The following CKAP5 variants were observed in gnomAD, a reference collection of about 807,000 sequenced individuals.
CKAP5 encodes cytoskeleton-associated protein 5.
In CKAP5, 27 loss-of-function variants were observed where a neutral mutation model predicts 232.8. That is an observed-to-expected ratio of 0.12 (90% CI 0.09 to 0.16). CKAP5 has a LOEUF of 0.16. Among genes scored for constraint, CKAP5 ranks in the 10% least tolerant of loss-of-function variants. The pLI is 1.00. For missense variants in CKAP5, 1,838 were observed against 2,424.7 expected (o/e 0.76, Z 5.08); for synonymous variants, 785 against 841.1 (o/e 0.93, Z 1.16).
chr11:46,749,382 G>T (rs959335537), intron 42 of CKAP5, among the ~76,000 whole-genome samples: 8 of 150,302 alleles, frequency 5.3e-5, no homozygotes, highest in African/African-American at 2.0e-4. Flanking sequence ...TTGAACCTGG[G>T]AGGCGGAGGT....
At position 46,784,690 on chromosome 11, in the gene CKAP5, A is replaced by G; in HGVS notation, c.1969-17T>C. The G allele has an allele frequency of 1.9e-6, 3 of 1,602,416 alleles. No homozygotes were observed. Among genetic ancestry groups the G allele is most frequent in the Non-Finnish European group, 2.6e-6 (3 of 1,171,158 alleles). On this transcript the variant is annotated splice_polypyrimidine_tract_variant and intron_variant, in intron 16 of 43. Coordinates refer to ENST00000529230, the MANE Select transcript of CKAP5 (RefSeq NM_001008938.4). ...TTGCATCACCTGAACAAGGATCAGT[A>G]TCATAAAGCTAAGAGCAAGCCAAGG... is the stretch of plus-strand genomic sequence containing the variant.
At chr11:46,823,551 T>A (rs1294272616) in intron 1 of CKAP5, among the ~76,000 whole-genome samples, 3 of 152,208 alleles carry the variant, frequency 2.0e-5, no homozygotes, top group African/African-American at 7.2e-5. Context: ...GTACCATAAT[T>A]ACCAACCCTA....
chr11:46,823,175 T>C (rs1298501831), intron 1 of CKAP5, among the ~76,000 whole-genome samples: 4 of 152,144 alleles, frequency 2.6e-5, no homozygotes, highest in African/African-American at 7.2e-5. Flanking sequence ...CTCGTTATAT[T>C]GCCCAGACTG....
chr11:46,789,562 T>C (rs1592458971), intron 15 of CKAP5, among the ~76,000 whole-genome samples: 1 of 151,992 alleles, frequency 6.6e-6, no homozygotes, highest in Non-Finnish European at 1.5e-5. Context: ...TTTGGGAGGC[T>C]GAGGCGGGCG....
chr11:46,826,939 C>T (rs1028765884), intron 1 of CKAP5: 5 of 153,016 alleles, frequency 3.3e-5, no homozygotes, highest in African/African-American at 1.2e-4. Context: ...CCTCAGCTCC[C>T]CTCTCCGCAC....
intron 8 of CKAP5, among the ~76,000 whole-genome samples, chr11:46,806,449 T>A (rs550268831): frequency 4.6e-5 from 7 of 152,350 alleles, no homozygotes; most frequent in Admixed American, 2.0e-4. Flanking sequence ...GCTCTCTTCA[T>A]ATGCCACTGG....
intron 23 of CKAP5, 40 bp from the exon 24 acceptor site, chr11:46,776,423 C>T: frequency 6.4e-7 from 1 of 1,572,552 alleles, no homozygotes; most frequent in Non-Finnish European, 8.7e-7. Flanking sequence ...ATATCTACTA[C>T]AGTTTGGAGG....
At chr11:46,795,564 C>G in intron 13 of CKAP5, 30 bp downstream of exon 13, 1 of 1,573,662 alleles carries the variant, frequency 6.4e-7, no homozygotes, top group African/African-American at 1.4e-5. Context: ...CCCTTCCTTA[C>G]TAACTTCTAT....
chr11:46,750,713 A>G, intron 40 of CKAP5, 102 bp from the exon 41 acceptor site: 3 of 881,712 alleles, frequency 3.4e-6, no homozygotes, highest in Non-Finnish European at 5.3e-6. Flanking sequence ...TCTGGGCCTT[A>G]TTGGTATGTT....
intron 8 of CKAP5, among the ~76,000 whole-genome samples, chr11:46,802,549 G>GACACACACACAC (rs761221755): frequency 1.6e-5 from 2 of 122,342 alleles, no homozygotes; most frequent in Non-Finnish European, 3.3e-5. Context: ...CAGACAGACA[G>GACACACACACAC]ACAGACAGAC....
At chr11:46,798,034 T>G (rs1169718708) in intron 10 of CKAP5, 49 bp downstream of exon 10, 13 of 1,604,238 alleles carry the variant, frequency 8.1e-6, no homozygotes, top group Non-Finnish European at 1.1e-5. Flanking sequence ...AATATTATAT[T>G]TACAAACTTT....
intron 1 of CKAP5, among the ~76,000 whole-genome samples, chr11:46,821,875 T>C (rs755474285): frequency 1.8e-4 from 27 of 151,578 alleles, no homozygotes; most frequent in Non-Finnish European, 2.1e-4. Flanking sequence ...CCCGTCTCAA[T>C]TGAAAATACA....
At chr11:46,754,508 T>C (rs1437751434) in intron 36 of CKAP5, among the ~76,000 whole-genome samples, 4 of 152,210 alleles carry the variant, frequency 2.6e-5, no homozygotes, top group Non-Finnish European at 4.4e-5. Context: ...CATGTAATAA[T>C]TGTACAAATT....
At chr11:46,827,788 T>C (rs1281908540) in intron 1 of CKAP5, among the ~76,000 whole-genome samples, 3 of 152,216 alleles carry the variant, frequency 2.0e-5, no homozygotes, top group African/African-American at 7.2e-5. Context: ...GAAGAGTTCT[T>C]AAGAAAATTG....
rs1049865635 is a variant in CKAP5 at position 46,760,771 on chromosome 11, T to C, written c.4235A>G (p.Asp1412Gly). ...AATCCTCTCCTCGAGCATGCTCATA[T>C]CCTTTTCAGAAAGCTGTAAAGAGGC... ...FKLIGNLSEK[D>G]MSMLEERIKR... is the part of the protein sequence containing the mutation. Residue 1412 changes from aspartate to glycine, a missense_variant, in exon 33 of 44, where the codon GAT (aspartate) becomes GGT (glycine). Physicochemically the swap from Asp to Gly is moderately conservative, Grantham distance 94 (BLOSUM62 -1). This residue lies in a region of CKAP5 where 579 missense variants were observed against 843.2 expected (regional missense o/e 0.69). Coordinates refer to ENST00000529230, the MANE Select transcript of CKAP5 (RefSeq NM_001008938.4). 2 of 1,613,768 alleles carry C rather than the reference T, an allele frequency of 1.2e-6. No individual in the cohort carries two copies. The highest frequency in any genetic ancestry group is 2.7e-5 in the African/African-American group (2 of 74,936).
At chr11:46,774,403 G>A (rs1242180107) in intron 24 of CKAP5, among the ~76,000 whole-genome samples, 1 of 152,144 alleles carries the variant, frequency 6.6e-6, no homozygotes, top group African/African-American at 2.4e-5. Context: ...CATGAAAATG[G>A]CCATACTGCC....
In CKAP5 at chr11:46,795,327, CA is replaced by C. The variant is rs35922652; in HGVS notation, c.1650+266del. Reference sequence around the variant, plus strand: ...TGGGCAACAGAGCGAGACTCCATCTCAAAAAAAAAAAAAGTTAAGATAGTAA... The same window carrying C: ...TGGGCAACAGAGCGAGACTCCATCTCAAAAAAAAAAAAGTTAAGATAGTAA... On this transcript the variant is annotated intron_variant, in intron 13 of 43. Coordinates refer to ENST00000529230, the MANE Select transcript of CKAP5 (RefSeq NM_001008938.4). 3.8e-3 allele frequency among the ~76,000 whole-genome samples: 531 copies of C among 138,768 alleles called. 2 individuals carry two copies. The highest frequency in any genetic ancestry group is 0.011 in the African/African-American group (411 of 37,210). 91.0% of individuals were successfully genotyped at this position (138,768 alleles called of 152,430 possible). A position where few individuals can be genotyped will look rare whatever the true frequency, so the allele number is the denominator to read the frequency against.
chr11:46,815,133 C>T (rs1939367373), intron 4 of CKAP5, among the ~76,000 whole-genome samples: 1 of 152,182 alleles, frequency 6.6e-6, no homozygotes, highest in South Asian at 2.1e-4. Context: ...TCACTGCAAC[C>T]TCTGCCTTCC....
chr11:46,750,159 G>C, intron 42 of CKAP5, 115 bp downstream of exon 42: 1 of 990,534 alleles, frequency 1.0e-6, no homozygotes. Context: ...AAGGCCATTT[G>C]GTGACCATTA....
Sources: allele counts gnomAD v4.1 joint callset (sites outside exome capture counted in the v4.1 genomes callset), GRCh38; gene constraint gnomAD v4.1.1; regional missense constraint gnomAD v4.1.1; transcripts MANE v1.5; gene names NCBI Gene and HGNC (gene_info 2026-07-23, HGNC 2026-07-21).